Variants in MAP3K4 observed in about 807,000 individuals in gnomAD.
MAP3K4 encodes mitogen-activated protein kinase kinase kinase 4.
In MAP3K4, 67 loss-of-function variants were observed where a neutral mutation model predicts 185.6. That is an observed-to-expected ratio of 0.36 (90% CI 0.30 to 0.44). MAP3K4 has a LOEUF of 0.44. Ranked by LOEUF, MAP3K4 falls within the 20% of genes least tolerant of loss-of-function variation. MAP3K4 has a pLI of 1.00. For synonymous variants in MAP3K4, 702 were observed against 710.4 expected (o/e 0.99, Z 0.19); for missense variants, 1,551 against 1,995.1 (o/e 0.78, Z 4.24).
In MAP3K4 at chr6:161,034,380, A is replaced by T. The variant is rs756434854; in HGVS notation, c.274A>T (p.Met92Leu). The T allele has an allele frequency of 6.2e-7, 1 of 1,613,976 alleles. No homozygotes were observed. The highest frequency in any genetic ancestry group is 1.1e-5 in the South Asian group (1 of 91,078). ...GTSPPSTPRQ[M>L]KRMSTKHQRN... ...CTCTCCCCCCAGCACACCTCGACAG[A>T]TGAAACGCATGTCAACCAAACATCA... The change falls in exon 2 of 27, where the codon ATG becomes TTG. Residue 92 changes from methionine (M) to leucine (L), a missense_variant. Met to Leu is a conservative substitution (Grantham distance 15, BLOSUM62 2). This residue lies in a region of MAP3K4 where 287 missense variants were observed against 268.8 expected (regional missense o/e 1.07). Coordinates refer to ENST00000392142, the MANE Select transcript of MAP3K4 (RefSeq NM_005922.4). The surrounding 1 kb of genome is among the most constrained non-coding windows in gnomAD (Gnocchi z 4.4).
At chr6:161,095,709 A>G (rs2114878396) in intron 15 of MAP3K4, among the ~76,000 whole-genome samples, 1 of 152,226 alleles carries the variant, frequency 6.6e-6, no homozygotes, top group Middle Eastern at 3.4e-3. Context: ...AATTCTTTCT[A>G]CCATTTTTTG....
rs1184944204 is a variant in MAP3K4 at position 161,049,837 on chromosome 6, T to A, written c.1565T>A (p.Leu522Gln). Residue 522 changes from leucine to glutamine, a missense_variant, in exon 3 of 27, where the codon CTG becomes CAG. This residue lies in a region of MAP3K4 where 126 missense variants were observed against 112.8 expected (regional missense o/e 1.12). Coordinates refer to ENST00000392142, the MANE Select transcript of MAP3K4 (RefSeq NM_005922.4). The surrounding 1 kb of genome is among the most constrained non-coding windows in gnomAD (Gnocchi z 8.4). ...GAAGCAGGCTTTAGTAGACATTGTC[T>A]GACTTCTATTTATAGACCATTTGTA... The part of the protein sequence containing the change: ...STEAGFSRHC[L>Q]TSIYRPFVDK... 1 of 1,614,170 alleles carries A rather than the reference T, an allele frequency of 6.2e-7. No individual in the cohort carries two copies. The highest frequency in any genetic ancestry group is 2.2e-5 in the East Asian group (1 of 44,876).
chr6:161,019,949 A>G (rs907322870), intron 1 of MAP3K4, among the ~76,000 whole-genome samples: 2 of 152,210 alleles, frequency 1.3e-5, no homozygotes, highest in Non-Finnish European at 2.9e-5. Flanking sequence ...AAGGTGGAAA[A>G]TTATTTTATT....
At chr6:161,079,211 CT>C (rs1462135732) in intron 5 of MAP3K4, among the ~76,000 whole-genome samples, 3 of 59,058 alleles carry the variant, frequency 5.1e-5, no homozygotes, top group Non-Finnish European at 9.1e-5. Flanking sequence ...AGGACCCTGT[CT>C]CAAGAAAAAA....
chr6:161,108,066 G>C lies in MAP3K4; in HGVS notation c.4119+97G>C, dbSNP rs1288617634. The C allele has an allele frequency of 5.4e-6, 6 of 1,103,252 alleles. 1 individual carries two copies. In the East Asian group the frequency reaches 1.0e-4, roughly 19 times the overall value. 68.3% of individuals were successfully genotyped at this position (1,103,252 alleles called of 1,614,324 possible). On this transcript the variant is annotated intron_variant, in intron 21 of 26. Coordinates refer to ENST00000392142, the MANE Select transcript of MAP3K4 (RefSeq NM_005922.4). The surrounding 1 kb of genome is among the most constrained non-coding windows in gnomAD (Gnocchi z 5.7). ...GTCGTGATTCAGTTCTCTGTGCGTA[G>C]AGCTGTCTTCAGCACCAGCACTGCG...
In MAP3K4 at chr6:161,115,425, G is replaced by A. The variant is rs1778550235; in HGVS notation, c.4806+123G>A. The A allele has an allele frequency of 3.4e-6, 3 of 891,568 alleles. No homozygotes were observed. The highest frequency in any genetic ancestry group is 3.3e-6 in the Non-Finnish European group (2 of 604,464). 55.2% of individuals were successfully genotyped at this position (891,568 alleles called of 1,614,324 possible). A position where few individuals can be genotyped will look rare whatever the true frequency, so the allele number is the denominator to read the frequency against. ...TATCTGAAGTGGAAAGGAACTAAAT[G>A]TATTATTATGCCAGGGATTTTTGTA... On this transcript the variant is annotated intron_variant, in intron 26 of 26. Coordinates refer to ENST00000392142, the MANE Select transcript of MAP3K4 (RefSeq NM_005922.4). The surrounding 1 kb of genome is among the most constrained non-coding windows in gnomAD (Gnocchi z 6.0).
chr6:161,093,144 G>T lies in MAP3K4; in HGVS notation c.3348+88G>T. 1.2e-6 allele frequency: 1 copy of T among 849,222 alleles called. No individual in the cohort carries two copies. The highest frequency in any genetic ancestry group is 1.9e-6 in the Non-Finnish European group (1 of 529,944). The allele number at this position is 849,222 out of a possible 1,614,324, so 52.6% of individuals were successfully genotyped here. A position where few individuals can be genotyped will look rare whatever the true frequency, so the allele number is the denominator to read the frequency against. On this transcript the variant is annotated intron_variant, in intron 14 of 26. Coordinates refer to ENST00000392142, the MANE Select transcript of MAP3K4 (RefSeq NM_005922.4). This position sits in a 1 kb window ranked among gnomAD's most constrained non-coding sequence, Gnocchi z 5.2. Reference sequence around the variant, plus strand: ...TGTATATGTTTTATATGTAATAGTGGTTTTTTTCATGAGATATTAATCTCA... The same window carrying T: ...TGTATATGTTTTATATGTAATAGTGTTTTTTTTCATGAGATATTAATCTCA...
In MAP3K4 at chr6:161,054,201, C is replaced by A. The variant is rs1267336760; in HGVS notation, c.1707+4222C>A. 6.6e-6 allele frequency among the ~76,000 whole-genome samples: 1 copy of A among 152,178 alleles called. No homozygotes were observed. The highest frequency in any genetic ancestry group is 2.4e-5 in the African/African-American group (1 of 41,438). On this transcript the variant is annotated intron_variant, in intron 3 of 26. Transcript: ENST00000392142. This position sits in a 1 kb window ranked among gnomAD's most constrained non-coding sequence, Gnocchi z 4.2. ...CAGAGTTTCGCTCTTGTTGCCCAGGCTGGAGTGCAATGGCGCTATCTCAGC... is the reference window on the plus strand; with the variant it reads ...CAGAGTTTCGCTCTTGTTGCCCAGGATGGAGTGCAATGGCGCTATCTCAGC...
Position 161,026,014 on chromosome 6 carries a change from A to G in MAP3K4, c.153-8245A>G, listed in dbSNP as rs74525060. 7.9e-4 allele frequency among the ~76,000 whole-genome samples: 121 copies of G among 152,320 alleles called. 1 individual carries two copies. In the East Asian group the frequency reaches 0.01, roughly 13 times the overall value. On this transcript the variant is annotated intron_variant, in intron 1 of 26. Coordinates refer to ENST00000392142, the MANE Select transcript of MAP3K4 (RefSeq NM_005922.4). ...TAGTTTTTGGTTGGCATTTCATGGTAGAATGTACCCACAGTGACACTGACA... is the reference window on the plus strand; with the variant it reads ...TAGTTTTTGGTTGGCATTTCATGGTGGAATGTACCCACAGTGACACTGACA...
Position 161,098,504 on chromosome 6 carries a change from G to T in MAP3K4, c.3674+77G>T, listed in dbSNP as rs1777681178. The T allele has an allele frequency of 1.3e-6, 2 of 1,491,268 alleles. No homozygotes were observed. The highest frequency in any genetic ancestry group is 4.8e-5 in the East Asian group (2 of 41,892). The allele number at this position is 1,491,268 out of a possible 1,614,324, so 92.4% of individuals were successfully genotyped here. A position where few individuals can be genotyped will look rare whatever the true frequency, so the allele number is the denominator to read the frequency against. On this transcript the variant is annotated intron_variant, in intron 17 of 26. Coordinates refer to ENST00000392142, the MANE Select transcript of MAP3K4 (RefSeq NM_005922.4). The surrounding 1 kb of genome is among the most constrained non-coding windows in gnomAD (Gnocchi z 4.4). Reference sequence around the variant, plus strand: ...TACACAGCAACCATAGTGTTAGGGTGTGTGCCGGCTGTGGTTGGGCTTCTT... The same window carrying T: ...TACACAGCAACCATAGTGTTAGGGTTTGTGCCGGCTGTGGTTGGGCTTCTT...
In MAP3K4 at chr6:161,084,662, T is replaced by A. The variant is rs763070503; in HGVS notation, c.2372+45T>A. 7.9e-6 allele frequency: 9 copies of A among 1,139,218 alleles called. No individual in the cohort carries two copies. The highest frequency in any genetic ancestry group is 1.5e-5 in the African/African-American group (1 of 66,036). 70.6% of individuals were successfully genotyped at this position (1,139,218 alleles called of 1,614,324 possible). On this transcript the variant is annotated intron_variant, in intron 7 of 26. Transcript: ENST00000392142. The surrounding 1 kb of genome is among the most constrained non-coding windows in gnomAD (Gnocchi z 4.6). ...TCCCCTTCCACTTCTTATCTCGTAG[T>A]TTCCTTCCTCATGGTGAGATCCTAG...
At chr6:161,079,207 CT>C (rs1389383866) in intron 5 of MAP3K4, among the ~76,000 whole-genome samples, 24 of 99,236 alleles carry the variant, frequency 2.4e-4, no homozygotes, top group Non-Finnish European at 4.3e-4. Context: ...GAGCAGGACC[CT>C]GTCTCAAGAA....
Position 161,022,559 on chromosome 6 carries a change from C to T in MAP3K4, c.153-11700C>T, listed in dbSNP as rs1782451791. 6.6e-6 allele frequency among the ~76,000 whole-genome samples: 1 copy of T among 152,174 alleles called. No homozygotes were observed. The highest frequency in any genetic ancestry group is 2.4e-5 in the African/African-American group (1 of 41,434). ...CTCTCTCCACCTGGAGGGACTTTGT[C>T]CCACAGGAGAAGTGATCCTTATCAG... is the stretch of plus-strand genomic sequence containing the variant. On this transcript the variant is annotated intron_variant, in intron 1 of 26. Coordinates refer to ENST00000392142, the MANE Select transcript of MAP3K4 (RefSeq NM_005922.4). The surrounding 1 kb of genome is among the most constrained non-coding windows in gnomAD (Gnocchi z 4.2).
intron 2 of MAP3K4, among the ~76,000 whole-genome samples, chr6:161,038,797 T>C (rs895540426): frequency 6.6e-6 from 1 of 152,130 alleles, no homozygotes; most frequent in Non-Finnish European, 1.5e-5. Context: ...GAGCCCTCAT[T>C]TTTTTTGTCT....
intron 1 of MAP3K4, among the ~76,000 whole-genome samples, chr6:161,010,907 C>T (rs936414875): frequency 6.6e-6 from 1 of 151,938 alleles, no homozygotes; most frequent in Non-Finnish European, 1.5e-5. Flanking sequence ...GTCTTTTATT[C>T]CTCTGAGTGT....
chr6:161,103,378 C>T lies in MAP3K4; in HGVS notation c.3856+599C>T, dbSNP rs1777917825. Among the ~76,000 whole-genome samples, 1 of 152,216 alleles carries T rather than the reference C, an allele frequency of 6.6e-6. No homozygotes were observed. Among genetic ancestry groups the T allele is most frequent in the African/African-American group, 2.4e-5 (1 of 41,462 alleles). On this transcript the variant is annotated intron_variant, in intron 19 of 26. Transcript: ENST00000392142. This position sits in a 1 kb window ranked among gnomAD's most constrained non-coding sequence, Gnocchi z 4.6. The stretch of plus-strand genomic sequence containing the variant: ...CACTCCATGGCAGCTTCCCTTTGAA[C>T]TTTGTGTGACTGACCAGAAGAGTAT...
Position 161,069,037 on chromosome 6 carries a change from A to AT in MAP3K4, c.1708-1567dup, listed in dbSNP as rs546275482. Among the ~76,000 whole-genome samples the AT allele has an allele frequency of 2.7e-4, 41 of 152,324 alleles. 1 individual carries two copies. The South Asian group carries it at 7.5e-3, about 28-fold the overall frequency. On this transcript the variant is annotated intron_variant, in intron 3 of 26. Coordinates refer to ENST00000392142, the MANE Select transcript of MAP3K4 (RefSeq NM_005922.4). Reference sequence around the variant, plus strand: ...AGAGACCAACATGTTAACAGTAGTGATTTTACTAATGTTATATGTAGTATG... The same window carrying AT: ...AGAGACCAACATGTTAACAGTAGTGATTTTTACTAATGTTATATGTAGTATG...
intron 2 of MAP3K4, among the ~76,000 whole-genome samples, chr6:161,044,352 T>TAG (rs1783622871): frequency 1.3e-5 from 2 of 152,244 alleles, no homozygotes; most frequent in Non-Finnish European, 2.9e-5. Context: ...TCCATTTGAC[T>TAG]TTTGTTAATT....
At position 161,108,716 on chromosome 6, in the gene MAP3K4, T is replaced by A. The variant is rs1175571903; in HGVS notation, c.4120-27T>A. The A allele has an allele frequency of 7.5e-7, 1 of 1,330,702 alleles. No individual in the cohort carries two copies. Among genetic ancestry groups the A allele is most frequent in the East Asian group, 2.3e-5 (1 of 43,554 alleles). The allele number at this position is 1,330,702 out of a possible 1,614,324, so 82.4% of individuals were successfully genotyped here. A position where few individuals can be genotyped will look rare whatever the true frequency, so the allele number is the denominator to read the frequency against. On this transcript the variant is annotated intron_variant, in intron 21 of 26. Coordinates refer to ENST00000392142, the MANE Select transcript of MAP3K4 (RefSeq NM_005922.4). The surrounding 1 kb of genome is among the most constrained non-coding windows in gnomAD (Gnocchi z 5.7). Reference sequence around the variant, plus strand: ...TGTAGAGTGATTAAATCAAGCCAGTTAACATTTTTGTCACCTCACTTTACA... The same window carrying A: ...TGTAGAGTGATTAAATCAAGCCAGTAAACATTTTTGTCACCTCACTTTACA...
Sources: gnomAD v4.1 joint callset for allele counts (sites outside exome capture counted in the v4.1 genomes callset) on GRCh38, gnomAD v4.1.1 for gene constraint, gnomAD v4.1.1 regional missense constraint, Gnocchi (gnomAD v3.1) non-coding constraint, MANE v1.5 for transcripts, NCBI Gene and HGNC (gene_info 2026-07-23, HGNC 2026-07-21) for gene names.